The following WDR90 variants were observed in gnomAD, a reference collection of about 807,000 sequenced individuals.
WDR90 encodes the protein WD repeat-containing protein 90.
In WDR90, 238 loss-of-function variants were observed where a neutral mutation model predicts 195.2. That is an observed-to-expected ratio of 1.22 (90% CI 1.10 to 1.36). The LOEUF (loss-of-function observed/expected upper bound fraction) is 1.36. WDR90 is among the 40% of genes most tolerant of loss of function. The probability of loss-of-function intolerance (pLI) is 0.00; values close to 1 mark genes in which losing one functional copy is unlikely to be tolerated. For missense variants in WDR90, 2,734 were observed against 2,439.5 expected (o/e 1.12, Z -2.54); for synonymous variants, 1,265 against 1,052.4 (o/e 1.20, Z -3.91).
In WDR90 at chr16:661,934, T is replaced by C; in HGVS notation, c.3908T>C (p.Leu1303Pro). 6.2e-7 allele frequency: 1 copy of C among 1,609,400 alleles called. No individual in the cohort carries two copies. ...CCAGAGGCAGTGGGGGCTGGAGAGC[T>C]GACCTCGCTCTGCTACGGGGCACCT... is the stretch of plus-strand genomic sequence containing the variant. Reference protein sequence around the residue: ...PVPEAVGAGELTSLCYGAPPL... With the variant: ...PVPEAVGAGEPTSLCYGAPPL... Residue 1303 changes from leucine to proline, a missense_variant, in exon 32 of 41, where the codon CTG (leucine) becomes CCG (proline). Leu to Pro is a moderately conservative substitution (Grantham distance 98, BLOSUM62 -3). Transcript: ENST00000293879.
Position 658,509 on chromosome 16 carries a change from G to C in WDR90, c.2767-16G>C. ...TCTCCTGAGACACGGCATTTCCCAA[G>C]AGCACTGTGTTCCAGCTGCCCGGTG... On this transcript the variant is annotated splice_polypyrimidine_tract_variant and intron_variant, in intron 22 of 40. Coordinates refer to ENST00000293879, the MANE Select transcript of WDR90 (RefSeq NM_145294.5). 2 of 1,600,272 alleles carry C rather than the reference G, an allele frequency of 1.2e-6. No homozygotes were observed. Among genetic ancestry groups the C allele is most frequent in the South Asian group, 2.2e-5 (2 of 90,472 alleles).
rs1247141522 is a variant in WDR90 at position 649,743 on chromosome 16, C to G, written c.11-20C>G. 4 of 1,546,792 alleles carry G rather than the reference C, an allele frequency of 2.6e-6. No individual in the cohort carries two copies. Among genetic ancestry groups the G allele is most frequent in the Non-Finnish European group, 3.5e-6 (4 of 1,145,714 alleles). On this transcript the variant is annotated intron_variant, in intron 1 of 40. Transcript: ENST00000293879. The stretch of plus-strand genomic sequence containing the variant: ...CTCGCGTGGCCGAGTCCCCTGACGC[C>G]CGGCGCCCGCTCCCCGCAGCGTGGC...
rs760952452 is a variant in WDR90, at chr16:658,977, G to A, written c.2977G>A (p.Val993Ile). ...GCAGGTCCTCAGCGCAGGGGACGCC[G>A]TCTTCCTCTGGGATGTCCTGGCCCC... ...QQQVLSAGDA[V>I]FLWDVLAPTE... Residue 993 changes from valine (V) to isoleucine (I), a missense_variant, in exon 24 of 41, where the codon GTC becomes ATC. By Grantham distance (29) the Val-to-Ile change is conservative. Transcript: ENST00000293879. 34 of 1,612,762 alleles carry A rather than the reference G, an allele frequency of 2.1e-5. No homozygotes were observed. Among genetic ancestry groups the A allele is most frequent in the Non-Finnish European group, 2.6e-5 (31 of 1,179,966 alleles).
intron 32 of WDR90, 46 bp downstream of exon 32, chr16:662,105 G>T: frequency 1.3e-6 from 2 of 1,578,200 alleles, no homozygotes; most frequent in Non-Finnish European, 8.6e-7. Flanking sequence ...CCCCTACCTG[G>T]GATCCTCAGA....
chr16:663,114 G>A (rs1567222400), intron 34 of WDR90: 1 of 615,474 alleles, frequency 1.6e-6, no homozygotes, highest in Admixed American at 2.4e-5. Context: ...TTTTTTGTTT[G>A]TTTGTTTTTT....
intron 13 of WDR90, chr16:654,610 G>T (rs13332946): frequency 0.2 from 32,715 of 165,014 alleles, 4,135 homozygotes; most frequent in African/African-American, 0.36. Flanking sequence ...ATGGTCTCAC[G>T]TTTTGTTTTT....
chr16:658,030 T>C (rs1473469165), intron 21 of WDR90, 138 bp downstream of exon 21: 95 of 1,452,638 alleles, frequency 6.5e-5, no homozygotes, highest in Non-Finnish European at 8.2e-5. Flanking sequence ...ACATCAGCCA[T>C]GTGGGGCCCA....
Position 662,215 on chromosome 16 carries a change from C to G in WDR90, c.4034-5C>G. 1.3e-6 allele frequency: 2 copies of G among 1,557,478 alleles called. No homozygotes were observed. Among genetic ancestry groups the G allele is most frequent in the Non-Finnish European group, 8.7e-7 (1 of 1,152,266 alleles). On this transcript the variant is annotated splice_polypyrimidine_tract_variant and splice_region_variant and intron_variant, in intron 32 of 40. Coordinates refer to ENST00000293879, the MANE Select transcript of WDR90 (RefSeq NM_145294.5). ...GTGGCCCCTTATGGCTCCTCCTGCC[C>G]CTAGGGCTGTTGCTGTTCTCGGGTT...
In WDR90 at chr16:653,511, C is replaced by T; in HGVS notation, c.1234-14C>T. 6.2e-7 allele frequency: 1 copy of T among 1,612,866 alleles called. No homozygotes were observed. Among genetic ancestry groups the T allele is most frequent in the South Asian group, 1.1e-5 (1 of 91,082 alleles). The stretch of plus-strand genomic sequence containing the variant: ...TGCAGCCCCTACACCCTCCCTCACC[C>T]TTCTGCCTCCTAGGTCTCCGCCCTG... On this transcript the variant is annotated splice_polypyrimidine_tract_variant and intron_variant, in intron 11 of 40. Transcript: ENST00000293879.
rs775655922 is a variant in WDR90 at position 652,451 on chromosome 16, C to T, written c.1054-16C>T. 1.4e-5 allele frequency: 23 copies of T among 1,593,650 alleles called. No individual in the cohort carries two copies. In the East Asian group the frequency reaches 1.6e-4, roughly 11 times the overall value. Reference sequence around the variant, plus strand: ...GGCTGAGCCTCCCAGGACTTTGATGCGAATGGCTGTTTCAGGGCTTCCTCC... The same window carrying T: ...GGCTGAGCCTCCCAGGACTTTGATGTGAATGGCTGTTTCAGGGCTTCCTCC... On this transcript the variant is annotated splice_polypyrimidine_tract_variant and intron_variant, in intron 9 of 40. Transcript: ENST00000293879.
intron 17 of WDR90, 79 bp from the exon 18 acceptor site, chr16:656,223 G>A: frequency 7.5e-7 from 1 of 1,328,330 alleles, no homozygotes; most frequent in East Asian, 2.5e-5. Context: ...CATTTGCTGG[G>A]GTGTCGGGGA....
At chr16:654,925 G>A (rs985643309) in intron 13 of WDR90, 104 bp from the exon 14 acceptor site, 20 of 1,084,474 alleles carry the variant, frequency 1.8e-5, no homozygotes, top group African/African-American at 4.7e-5. Flanking sequence ...GCTGGTCTCC[G>A]CATGAGAGAA....
At position 653,320 on chromosome 16, in the gene WDR90, C is replaced by T; in HGVS notation, c.1123-21C>T. The T allele has an allele frequency of 2.0e-6, 3 of 1,492,390 alleles. No homozygotes were observed. In the South Asian group the frequency reaches 3.8e-5, roughly 19 times the overall value. 92.4% of individuals were successfully genotyped at this position (1,492,390 alleles called of 1,614,324 possible). A position where few individuals can be genotyped will look rare whatever the true frequency, so the allele number is the denominator to read the frequency against. On this transcript the variant is annotated intron_variant, in intron 10 of 40. Coordinates refer to ENST00000293879, the MANE Select transcript of WDR90 (RefSeq NM_145294.5). ...GGCCTGGCGTAGCACCGGTCCTCAG[C>T]CCCCCGCCCCCTTGTGCCAGGCCCT...
chr16:665,979 G>A lies in WDR90; in HGVS notation c.4464G>A (p.Pro1488=), dbSNP rs776991099. 98 of 1,601,300 alleles carry A rather than the reference G, an allele frequency of 6.1e-5. No homozygotes were observed. The highest frequency in any genetic ancestry group is 7.8e-5 in the Non-Finnish European group (92 of 1,178,176). The change falls in exon 36 of 41, where the codon CCG becomes CCA. Residue 1488 remains proline, a synonymous_variant. Coordinates refer to ENST00000293879, the MANE Select transcript of WDR90 (RefSeq NM_145294.5). ...QSCLCLAWSP[P]CCGRPEQQRL... is the part of the protein sequence containing the mutation. ...GCCTCTGCCTGGCATGGAGCCCCCC[G>A]TGCTGTGGCCGCCCTGAGCAGCAGC...
In WDR90 at chr16:656,556, A is replaced by G. The variant is rs1157024223; in HGVS notation, c.2202+19A>G. 6.4e-7 allele frequency: 1 copy of G among 1,563,178 alleles called. No individual in the cohort carries two copies. Among genetic ancestry groups the G allele is most frequent in the Non-Finnish European group, 8.7e-7 (1 of 1,155,328 alleles). On this transcript the variant is annotated intron_variant, in intron 18 of 40. Transcript: ENST00000293879. ...GCAGCAGGTGGGGTTTGGCAGGGGC[A>G]GCACGGCAGGGAGGGCCGGGAGGTC...
At position 653,767 on chromosome 16, in the gene WDR90, T is replaced by C. The variant is rs769890346; in HGVS notation, c.1401T>C (p.Leu467=). 5 of 1,613,222 alleles carry C rather than the reference T, an allele frequency of 3.1e-6. No homozygotes were observed. In the African/African-American group the frequency reaches 4.0e-5, roughly 13 times the overall value. ...ACAGCTTCTCTGACAGCGGGGCCCT[T>C]CTCTGCGGGGTTGGCAAGGACCACC... The part of the protein sequence containing the change: ...CSLSFSDSGA[L]LCGVGKDHHG... The change falls in exon 13 of 41, where the codon CTT becomes CTC. Residue 467 remains leucine, a synonymous_variant. Coordinates refer to ENST00000293879, the MANE Select transcript of WDR90 (RefSeq NM_145294.5).
At position 659,241 on chromosome 16, in the gene WDR90, C is replaced by G. The variant is rs749721984; in HGVS notation, c.3053-4C>G. The G allele has an allele frequency of 6.2e-7, 1 of 1,611,692 alleles. No individual in the cohort carries two copies. Among genetic ancestry groups the G allele is most frequent in the Non-Finnish European group, 8.5e-7 (1 of 1,179,576 alleles). On this transcript the variant is annotated splice_polypyrimidine_tract_variant and splice_region_variant and intron_variant, in intron 25 of 40. Transcript: ENST00000293879. Reference sequence around the variant, plus strand: ...CAAACATCACAGGGCTGCTTCTTCCCCAGGCCCGGGCGCAGGACCGCTGGA... The same window carrying G: ...CAAACATCACAGGGCTGCTTCTTCCGCAGGCCCGGGCGCAGGACCGCTGGA...
At chr16:662,370 G>T (rs1168357264) in intron 33 of WDR90, 39 bp downstream of exon 33, 11 of 1,540,170 alleles carry the variant, frequency 7.1e-6, no homozygotes, top group East Asian at 2.4e-5. Context: ...CTGCACGTGG[G>T]TGTTGGTGTC....
chr16:658,432 G>T, intron 22 of WDR90, 88 bp downstream of exon 22: 8 of 1,577,106 alleles, frequency 5.1e-6, no homozygotes, highest in Non-Finnish European at 4.3e-6. Context: ...CCAGCTGGGT[G>T]GGGGGCCGTC....
Sources: gnomAD v4.1 joint callset for allele counts on GRCh38, gnomAD v4.1.1 for gene constraint, MANE v1.5 for transcripts, NCBI Gene and HGNC (gene_info 2026-07-23, HGNC 2026-07-21) for gene names.